Variants in ZNF587 observed in about 807,000 individuals in gnomAD.
ZNF587 encodes zinc finger protein zfp6.
ZNF587 carries 8 observed loss-of-function variants against 7.5 expected under a neutral mutation model. That is an observed-to-expected ratio of 1.06 (90% confidence interval 0.62 to 1.92). ZNF587 has a LOEUF of 1.92. Among genes scored for constraint, ZNF587 ranks in the 40% most tolerant of loss-of-function variants. The probability of loss-of-function intolerance (pLI) is 0.00; values close to 1 mark genes in which losing one functional copy is unlikely to be tolerated. For missense variants in ZNF587, 468 were observed against 692.8 expected, an observed-to-expected ratio of 0.68 and a Z score of 3.64; for synonymous variants, 145 against 237.8, an observed-to-expected ratio of 0.61 and a Z score of 3.59.
Position 57,859,568 on chromosome 19 carries a change from G to A in ZNF587, c.1156G>A (p.Gly386Arg), listed in dbSNP as rs1751670783. The part of the protein sequence containing the change: ...GERPYKCGEC[G>R]KSFGQKGNLV... Reference sequence around the variant, plus strand: ...AAGGCCTTACAAGTGTGGAGAATGTGGGAAATCTTTTGGTCAAAAGGGCAA... The same window carrying A: ...AAGGCCTTACAAGTGTGGAGAATGTAGGAAATCTTTTGGTCAAAAGGGCAA... Residue 386 changes from glycine to arginine, a missense_variant, in exon 3 of 3, where the codon GGG (glycine) becomes AGG (arginine). Gly to Arg is a moderately radical substitution (Grantham distance 125). This residue lies in a region of ZNF587 where 310 missense variants were observed against 325.6 expected (regional missense o/e 0.95). Coordinates refer to ENST00000339656, the MANE Select transcript of ZNF587 (RefSeq NM_032828.4). The A allele has an allele frequency of 1.2e-5, 19 of 1,614,068 alleles. No homozygotes were observed. The highest frequency in any genetic ancestry group is 1.6e-5 in the Non-Finnish European group (19 of 1,180,016).
In ZNF587 at chr19:57,859,255, C is replaced by T; in HGVS notation, c.843C>T (p.Ser281=). 2 of 1,599,090 alleles carry T rather than the reference C, an allele frequency of 1.3e-6. No homozygotes were observed. Among genetic ancestry groups the T allele is most frequent in the East Asian group, 2.3e-5 (1 of 44,090 alleles). The change falls in exon 3 of 3, where the codon AGC becomes AGT. Residue 281 remains serine, a synonymous_variant. Coordinates refer to ENST00000339656, the MANE Select transcript of ZNF587 (RefSeq NM_032828.4). ...GECGKSYSRK[S]SLIQHQRVHT... ...GTGGGAAATCTTATAGTCGAAAGAG[C>T]AGCCTTATTCAACATCAGCGAGTCC...
At chr19:57,851,806 C>T (rs1463832128) in intron 1 of ZNF587, 2 of 152,262 alleles carry the variant, frequency 1.3e-5, no homozygotes, top group Non-Finnish European at 2.9e-5. Flanking sequence ...GGAAGAACAT[C>T]ATAGAGAGAG....
At position 57,859,650 on chromosome 19, in the gene ZNF587, G is replaced by A. The variant is rs1355871308; in HGVS notation, c.1238G>A (p.Cys413Tyr). Reference sequence around the variant, plus strand: ...GAAAGGCCCTATGAGTGCAAGGAATGTGGGAAATCATTTAGGTACAGATCC... The same window carrying A: ...GAAAGGCCCTATGAGTGCAAGGAATATGGGAAATCATTTAGGTACAGATCC... Reference protein sequence around the residue: ...TGERPYECKECGKSFRYRSHL... With the variant: ...TGERPYECKEYGKSFRYRSHL... The change falls in exon 3 of 3, where the codon TGT becomes TAT. Residue 413 changes from cysteine to tyrosine, a missense_variant. By Grantham distance (194) the Cys-to-Tyr change is radical. This residue lies in a region of ZNF587 where 310 missense variants were observed against 325.6 expected (regional missense o/e 0.95). Coordinates refer to ENST00000339656, the MANE Select transcript of ZNF587 (RefSeq NM_032828.4). The A allele has an allele frequency of 6.2e-7, 1 of 1,613,930 alleles. No individual in the cohort carries two copies. The highest frequency in any genetic ancestry group is 8.5e-7 in the Non-Finnish European group (1 of 1,179,998).
At chr19:57,855,357 C>T (rs1373938483) in intron 1 of ZNF587, among the ~76,000 whole-genome samples, 1 of 151,926 alleles carries the variant, frequency 6.6e-6, no homozygotes, top group Non-Finnish European at 1.5e-5. Flanking sequence ...AAAAATCCCC[C>T]AAAAATAAAC....
At chr19:57,855,048 G>A (rs2071334100) in intron 1 of ZNF587, among the ~76,000 whole-genome samples, 1 of 152,010 alleles carries the variant, frequency 6.6e-6, no homozygotes, top group Non-Finnish European at 1.5e-5. Context: ...GCCAGCTGTG[G>A]TGGTGGGCAC....
At position 57,861,423 on chromosome 19, in the gene ZNF587, T is replaced by G. The variant is rs2071430728; in HGVS notation, c.*1283T>G. On this transcript the variant is annotated 3_prime_UTR_variant, in exon 3 of 3. Coordinates refer to ENST00000339656, the MANE Select transcript of ZNF587 (RefSeq NM_032828.4). ...TCAGCTCATTGCAACCTCTGCTTCC[T>G]GGGCTCAAGCACTCTGCCCACCTCA... The G allele has an allele frequency of 6.6e-6, 1 of 152,230 alleles. No homozygotes were observed. The highest frequency in any genetic ancestry group is 6.5e-5 in the Admixed American group (1 of 15,270). The allele number at this position is 152,230 out of a possible 1,614,324, so 9.4% of individuals were successfully genotyped here.
At chr19:57,850,209 CCTT>C (rs1217470963) in intron 1 of ZNF587, 138 bp downstream of exon 1, 2 of 1,510,036 alleles carry the variant, frequency 1.3e-6, no homozygotes, top group Non-Finnish European at 1.8e-6. Context: ...GGAGGCCTCT[CCTT>C]GTAACCGTCC....
At chr19:57,850,822 A>C (rs2071272158) in intron 1 of ZNF587, 1 of 358,106 alleles carries the variant, frequency 2.8e-6, no homozygotes. Context: ...AGGATTAATC[A>C]GTAAAGGAGA....
At chr19:57,850,322 C>T (rs1272005294) in intron 1 of ZNF587, 2 of 640,700 alleles carry the variant, frequency 3.1e-6, no homozygotes, top group Non-Finnish European at 5.4e-6. Context: ...TCCTGCTGTT[C>T]GGGAGACAGG....
At chr19:57,858,548 C>T (rs1284323112) in intron 2 of ZNF587, 28 bp from the exon 3 acceptor site, 2 of 1,600,554 alleles carry the variant, frequency 1.2e-6, no homozygotes, top group East Asian at 2.2e-5. Flanking sequence ...AGGTACTTTG[C>T]ACTTGACCAG....
At chr19:57,858,549 A>C in intron 2 of ZNF587, 27 bp from the exon 3 acceptor site, 5 of 1,601,078 alleles carry the variant, frequency 3.1e-6, no homozygotes, top group Non-Finnish European at 4.3e-6. Flanking sequence ...GGTACTTTGC[A>C]CTTGACCAGC....
intron 2 of ZNF587, among the ~76,000 whole-genome samples, chr19:57,857,737 C>T (rs1385540893): frequency 3.3e-5 from 5 of 151,704 alleles, no homozygotes; most frequent in East Asian, 1.9e-4. Context: ...TGGGTTCAAG[C>T]GATTCTCCTG....
At position 57,863,114 on chromosome 19, in the gene ZNF587, A is replaced by C. The variant is rs2071457642; in HGVS notation, c.*2974A>C. On this transcript the variant is annotated 3_prime_UTR_variant, in exon 3 of 3. Transcript: ENST00000339656. ...CCACAAGCGCCCACCACGTCAGCTT[A>C]ATTTTTTTGTTTTGTTTCTTGAGAC... 6.6e-6 allele frequency: 1 copy of C among 152,400 alleles called. No homozygotes were observed. Among genetic ancestry groups the C allele is most frequent in the Non-Finnish European group, 1.5e-5 (1 of 68,146 alleles). 9.4% of individuals were successfully genotyped at this position (152,400 alleles called of 1,614,324 possible).
chr19:57,857,115 T>G, intron 2 of ZNF587: 1 of 152,086 alleles, frequency 6.6e-6, no homozygotes, highest in East Asian at 1.9e-4. Context: ...CGTCGGGTCC[T>G]ATGTACTGGG....
At chr19:57,851,429 G>T (rs1260155759) in intron 1 of ZNF587, 1 of 152,228 alleles carries the variant, frequency 6.6e-6, no homozygotes, top group Non-Finnish European at 1.5e-5. Context: ...AAAGACGGCT[G>T]AAAGGTTGGA....
In ZNF587 at chr19:57,860,580, G is replaced by A. The variant is rs1315714976; in HGVS notation, c.*440G>A. The A allele has an allele frequency of 2.2e-5, 5 of 222,352 alleles. No homozygotes were observed. Among genetic ancestry groups the A allele is most frequent in the East Asian group, 2.2e-4 (2 of 8,958 alleles). 13.8% of individuals were successfully genotyped at this position (222,352 alleles called of 1,614,324 possible). A position where few individuals can be genotyped will look rare whatever the true frequency, so the allele number is the denominator to read the frequency against. On this transcript the variant is annotated 3_prime_UTR_variant, in exon 3 of 3. Coordinates refer to ENST00000339656, the MANE Select transcript of ZNF587 (RefSeq NM_032828.4). The stretch of plus-strand genomic sequence containing the variant: ...TCTGCACCTGGCCTTCATTCTTTTC[G>A]TATTGCTTAGAATATGACATGCTGA...
Position 57,858,559 on chromosome 19 carries a change from C to T in ZNF587, c.164-17C>T. On this transcript the variant is annotated splice_polypyrimidine_tract_variant and intron_variant, in intron 2 of 2. Coordinates refer to ENST00000339656, the MANE Select transcript of ZNF587 (RefSeq NM_032828.4). ...CCGGAGGTACTTTGCACTTGACCAG[C>T]ATTTTCTTGCTTTCAGGTTGTTGGT... 1.9e-6 allele frequency: 3 copies of T among 1,603,558 alleles called. No homozygotes were observed. In the Admixed American group the frequency reaches 5.1e-5, roughly 27 times the overall value.
Position 57,859,755 on chromosome 19 carries a change from A to C in ZNF587, c.1343A>C (p.Lys448Thr). ...GAATGTGGGAAATTATTTAACAGGA[A>C]GTATCATCTTCTGGTTCATGAGAGA... ...CRECGKLFNR[K>T]YHLLVHERVH... The change falls in exon 3 of 3, where the codon AAG becomes ACG. Residue 448 changes from lysine (K) to threonine (T), a missense_variant. By Grantham distance (78) the Lys-to-Thr change is moderately conservative (BLOSUM62 -1). This residue lies in a region of ZNF587 where 310 missense variants were observed against 325.6 expected (regional missense o/e 0.95). Transcript: ENST00000339656. 1 of 1,613,854 alleles carries C rather than the reference A, an allele frequency of 6.2e-7. No individual in the cohort carries two copies. Among genetic ancestry groups the C allele is most frequent in the Non-Finnish European group, 8.5e-7 (1 of 1,179,950 alleles).
rs747049604 is a variant in ZNF587, at chr19:57,850,023, T to G, written c.-16T>G. 6.8e-6 allele frequency: 11 copies of G among 1,614,096 alleles called. No individual in the cohort carries two copies. The African/African-American group carries it at 1.5e-4, about 22-fold the overall frequency. ...GGCGACCACTGCTCCCGGGCCGTGC[T>G]TCCCCAAGTAGTCCGATGGCAGCGG... On this transcript the variant is annotated 5_prime_UTR_variant, in exon 1 of 3. Coordinates refer to ENST00000339656, the MANE Select transcript of ZNF587 (RefSeq NM_032828.4).
Sources: allele counts gnomAD v4.1 joint callset (sites outside exome capture counted in the v4.1 genomes callset), GRCh38; gene constraint gnomAD v4.1.1; regional missense constraint gnomAD v4.1.1; transcripts MANE v1.5; gene names NCBI Gene and HGNC (gene_info 2026-07-23, HGNC 2026-07-21).